Variants in KNSTRN observed in about 807,000 individuals in gnomAD.
KNSTRN encodes kinetochore localized astrin (SPAG5) binding protein, also known as small kinetochore-associated protein.
A neutral mutation model predicts 44.7 loss-of-function variants in KNSTRN; 38 were observed. The observed-to-expected ratio is 0.85, with a 90% CI of 0.66 to 1.11. The LOEUF is 1.11. Ranked by LOEUF, KNSTRN falls within the 50% of genes most tolerant of loss-of-function variation. KNSTRN has a pLI of 0.00. For missense variants in KNSTRN, 406 were observed against 375.8 expected, an observed-to-expected ratio of 1.08 and a Z score of -0.66; for synonymous variants, 158 against 148.1, an observed-to-expected ratio of 1.07 and a Z score of -0.48.
At position 40,383,138 on chromosome 15, in the gene KNSTRN, G is replaced by C. The variant is rs1006487861; in HGVS notation, c.210-90G>C. 10 of 1,580,094 alleles carry C rather than the reference G, an allele frequency of 6.3e-6. No homozygotes were observed. In the African/African-American group the frequency reaches 1.3e-4, roughly 21 times the overall value. On this transcript the variant is annotated intron_variant, in intron 1 of 8. Transcript: ENST00000249776. ...ATTTTCTCTTTTCCAACCCCGAGCCGGGGCCTGTCGGGTCGCGCTATCCCC... is the reference window on the plus strand; with the variant it reads ...ATTTTCTCTTTTCCAACCCCGAGCCCGGGCCTGTCGGGTCGCGCTATCCCC...
chr15:40,393,344 G>A (rs1890035271), intron 8 of KNSTRN, 125 bp from the exon 9 acceptor site: 1 of 1,598,652 alleles, frequency 6.3e-7, no homozygotes, highest in Non-Finnish European at 8.5e-7. Flanking sequence ...GATACAGTCT[G>A]TTGATACTCC....
chr15:40,392,386 A>G (rs755756413), intron 8 of KNSTRN, among the ~76,000 whole-genome samples: 1 of 152,118 alleles, frequency 6.6e-6, no homozygotes, highest in Non-Finnish European at 1.5e-5. Flanking sequence ...ATCCTGGTAC[A>G]TTTGTCAAAA....
intron 2 of KNSTRN, chr15:40,384,140 G>C (rs963799968): frequency 4.9e-6 from 1 of 204,430 alleles, no homozygotes; most frequent in Non-Finnish European, 1.0e-5. Context: ...TTGGGAGGGC[G>C]AGGTGGGCAG....
intron 4 of KNSTRN, among the ~76,000 whole-genome samples, chr15:40,388,195 C>T (rs570951328): frequency 6.6e-5 from 10 of 152,176 alleles, no homozygotes; most frequent in Non-Finnish European, 1.3e-4. Flanking sequence ...GTCTCACAGC[C>T]TTCAGAGCTG....
chr15:40,389,234 C>T (rs773081172), intron 4 of KNSTRN: 58 of 482,532 alleles, frequency 1.2e-4, no homozygotes, highest in South Asian at 8.5e-4. Context: ...CCACAACCTC[C>T]GCCTCCTGGG....
chr15:40,392,050 T>C (rs746968093), intron 8 of KNSTRN, 27 bp downstream of exon 8: 2 of 1,496,004 alleles, frequency 1.3e-6, no homozygotes, highest in South Asian at 2.5e-5. Flanking sequence ...ACCCTGACCA[T>C]TTCCTACCAT....
In KNSTRN at chr15:40,391,471, T is replaced by A. The variant is rs114160409; in HGVS notation, c.686-22T>A. ...AGGGTGTGTAGTTCCCTAAGTGAGA[T>A]TGACTTTGTTGTATCCATCAGCTTT... is the stretch of plus-strand genomic sequence containing the variant. On this transcript the variant is annotated intron_variant, in intron 6 of 8. Transcript: ENST00000249776. The A allele has an allele frequency of 1.9e-6, 3 of 1,608,368 alleles. No individual in the cohort carries two copies. The African/African-American group carries it at 4.0e-5, about 21-fold the overall frequency.
chr15:40,389,141 G>A (rs768419453), intron 4 of KNSTRN: 31 of 455,616 alleles, frequency 6.8e-5, no homozygotes, highest in Non-Finnish European at 1.3e-4. Context: ...TCTGTAGGCC[G>A]TATTTTTCTT....
At position 40,382,901 on chromosome 15, in the gene KNSTRN, C is replaced by G. The variant is rs776783029; in HGVS notation, c.66C>G (p.Cys22Trp). The G allele has an allele frequency of 6.2e-6, 10 of 1,612,284 alleles. No homozygotes were observed. The highest frequency in any genetic ancestry group is 8.5e-6 in the Non-Finnish European group (10 of 1,180,028). ...VFRTTWLSTE[C>W]DSHPLPPSYR... Reference sequence around the variant, plus strand: ...GTACAACATGGCTGTCTACAGAGTGCGATTCCCACCCACTTCCGCCTAGCT... The same window carrying G: ...GTACAACATGGCTGTCTACAGAGTGGGATTCCCACCCACTTCCGCCTAGCT... The change falls in exon 1 of 9, where the codon TGC (cysteine) becomes TGG (tryptophan). Residue 22 changes from cysteine (C) to tryptophan (W), a missense_variant. By Grantham distance (215) the Cys-to-Trp change is radical. Coordinates refer to ENST00000249776, the MANE Select transcript of KNSTRN (RefSeq NM_033286.4).
chr15:40,391,499 G>T lies in KNSTRN; in HGVS notation c.692G>T (p.Gly231Val). ...LESKGLDPALGSETLASRQES... is the reference protein window; with the variant it reads ...LESKGLDPALVSETLASRQES... ...ACTTTGTTGTATCCATCAGCTTTAGGCAGTGAGACCCTGGCATCACGACAA... is the reference window on the plus strand; with the variant it reads ...ACTTTGTTGTATCCATCAGCTTTAGTCAGTGAGACCCTGGCATCACGACAA... The change falls in exon 7 of 9, where the codon GGC becomes GTC. Residue 231 changes from glycine to valine, a missense_variant. Physicochemically the swap from Gly to Val is moderately radical, Grantham distance 109 (BLOSUM62 -3). Transcript: ENST00000249776. 1 of 1,613,656 alleles carries T rather than the reference G, an allele frequency of 6.2e-7. No individual in the cohort carries two copies. The highest frequency in any genetic ancestry group is 8.5e-7 in the Non-Finnish European group (1 of 1,179,712).
chr15:40,387,073 A>G, intron 3 of KNSTRN, 86 bp from the exon 4 acceptor site: 1 of 986,770 alleles, frequency 1.0e-6, no homozygotes, highest in Admixed American at 1.9e-5. Context: ...TTTCCTCAGA[A>G]ACTCAAGCTC....
chr15:40,388,829 G>A (rs982151595), intron 4 of KNSTRN, among the ~76,000 whole-genome samples: 2 of 152,194 alleles, frequency 1.3e-5, no homozygotes, highest in African/African-American at 4.8e-5. Context: ...GTGCTGCAGA[G>A]ATTTTGTTTA....
At chr15:40,392,710 A>G (rs1196562889) in intron 8 of KNSTRN, among the ~76,000 whole-genome samples, 3 of 152,144 alleles carry the variant, frequency 2.0e-5, no homozygotes, top group African/African-American at 7.2e-5. Context: ...TCCCGGGTTC[A>G]AGCGATTTTC....
intron 4 of KNSTRN, among the ~76,000 whole-genome samples, chr15:40,388,732 C>T (rs923527631): frequency 3.3e-5 from 5 of 152,000 alleles, no homozygotes; most frequent in African/African-American, 1.2e-4. Flanking sequence ...GTTTTCCGCC[C>T]TTGGCAGGCC....
intron 8 of KNSTRN, chr15:40,393,188 T>C (rs1284290985): frequency 6.2e-7 from 1 of 1,613,690 alleles, no homozygotes; most frequent in Non-Finnish European, 8.5e-7. Flanking sequence ...TCTGGACTGT[T>C]TCAGATTGCT....
In KNSTRN at chr15:40,393,489, G is replaced by T. The variant is rs1161975612; in HGVS notation, c.843G>T (p.Glu281Asp). ...EELQALKVKL[E>D]MKEERVRFLE... ...TGCAGGCCTTAAAGGTAAAGCTGGA[G>T]ATGAAAGAGGAAAGAGTCCGATTCC... Residue 281 changes from glutamate to aspartate, a missense_variant, in exon 9 of 9, where the codon GAG becomes GAT. By Grantham distance (45) the Glu-to-Asp change is conservative (BLOSUM62 2). Transcript: ENST00000249776. 1 of 1,613,758 alleles carries T rather than the reference G, an allele frequency of 6.2e-7. No homozygotes were observed. The highest frequency in any genetic ancestry group is 8.5e-7 in the Non-Finnish European group (1 of 1,179,884).
intron 6 of KNSTRN, among the ~76,000 whole-genome samples, chr15:40,390,913 C>A (rs1399988528): frequency 1.1e-4 from 16 of 152,002 alleles, no homozygotes; most frequent in Non-Finnish European, 2.9e-5. Context: ...CCATGCCCAG[C>A]CTAGGATATT....
chr15:40,385,823 A>C (rs1044101858), intron 2 of KNSTRN, among the ~76,000 whole-genome samples: 10 of 152,222 alleles, frequency 6.6e-5, no homozygotes, highest in African/African-American at 2.4e-4. Context: ...TACACCTTTC[A>C]GTTCAATGAA....
intron 7 of KNSTRN, 151 bp from the exon 8 acceptor site, chr15:40,391,798 A>G (rs775719113): frequency 1.4e-6 from 1 of 700,000 alleles, no homozygotes; most frequent in Non-Finnish European, 2.4e-6. Flanking sequence ...AAACCTGTAG[A>G]GAGAGCTTTC....
Sources: allele counts gnomAD v4.1 joint callset (sites outside exome capture counted in the v4.1 genomes callset), GRCh38; gene constraint gnomAD v4.1.1; transcripts MANE v1.5; gene names NCBI Gene and HGNC (gene_info 2026-07-23, HGNC 2026-07-21).